The following SMAD6 variants were observed in gnomAD, a reference collection of about 807,000 sequenced individuals.
The protein encoded by SMAD6 is MAD homolog 6.
Under a neutral mutation model 39.4 loss-of-function variants are expected in SMAD6, and 103 were observed. That is an observed-to-expected ratio of 2.62 (90% CI 2.23 to 3.08). The LOEUF (loss-of-function observed/expected upper bound fraction) is 3.08. SMAD6 is among the 30% of genes most tolerant of loss of function. The probability of loss-of-function intolerance (pLI) is 0.00; values close to 1 mark genes in which losing one functional copy is unlikely to be tolerated. For synonymous variants in SMAD6, 445 were observed against 353.3 expected, an observed-to-expected ratio of 1.26 and a Z score of -2.91; for missense variants, 1,104 against 742.9, an observed-to-expected ratio of 1.49 and a Z score of -5.65.
At chr15:66,726,420 C>T (rs2140619015) in intron 3 of SMAD6, among the ~76,000 whole-genome samples, 1 of 152,320 alleles carries the variant, frequency 6.6e-6, no homozygotes, top group Non-Finnish European at 1.5e-5. Context: ...GTCTCAGGCC[C>T]AGGGAGACTC....
At position 66,731,805 on chromosome 15, in the gene SMAD6, G is replaced by A. The variant is rs187551315; in HGVS notation, c.952+15307G>A. Among the ~76,000 whole-genome samples the A allele has an allele frequency of 1.2e-4, 18 of 152,292 alleles. No individual in the cohort carries two copies. In the East Asian group the frequency reaches 3.3e-3, roughly 28 times the overall value. On this transcript the variant is annotated intron_variant, in intron 3 of 3. Transcript: ENST00000288840. ...AACTTTACAACAGGCACTGCTTTCCGAAGTGGTTGTACCATTTTGCAATCC... is the reference window on the plus strand; with the variant it reads ...AACTTTACAACAGGCACTGCTTTCCAAAGTGGTTGTACCATTTTGCAATCC...
At chr15:66,731,994 A>G (rs1404253456) in intron 3 of SMAD6, among the ~76,000 whole-genome samples, 5 of 148,104 alleles carry the variant, frequency 3.4e-5, no homozygotes, top group African/African-American at 1.3e-4. Context: ...CCCAGGCTAG[A>G]GTGCAGTGGT....
At chr15:66,709,847 C>G (rs1486021200) in intron 1 of SMAD6, among the ~76,000 whole-genome samples, 1 of 152,210 alleles carries the variant, frequency 6.6e-6, no homozygotes, top group Admixed American at 6.5e-5. Context: ...TGCCCTGCCT[C>G]TTATCCTGAG....
intron 1 of SMAD6, chr15:66,708,332 T>G (rs1893159987): frequency 6.0e-6 from 1 of 166,010 alleles, no homozygotes; most frequent in Non-Finnish European, 1.3e-5. Flanking sequence ...TCACAGTTTC[T>G]TTTCTGACCT....
At chr15:66,755,839 C>G (rs527830738) in intron 3 of SMAD6, among the ~76,000 whole-genome samples, 14 of 152,280 alleles carry the variant, frequency 9.2e-5, no homozygotes, top group African/African-American at 3.4e-4. Flanking sequence ...AGCGAGGAGC[C>G]TGCCCGAGGT....
chr15:66,735,254 G>A (rs182985695), intron 3 of SMAD6, among the ~76,000 whole-genome samples: 104 of 152,346 alleles, frequency 6.8e-4, no homozygotes, highest in African/African-American at 2.4e-3. Context: ...ATGGCCGGGT[G>A]CCTGCCTATT....
At chr15:66,727,925 T>G (rs1258942165) in intron 3 of SMAD6, among the ~76,000 whole-genome samples, 2 of 152,098 alleles carry the variant, frequency 1.3e-5, no homozygotes, top group Non-Finnish European at 2.9e-5. Context: ...CGATCTCCGC[T>G]CGCGGTAACC....
intron 2 of SMAD6, among the ~76,000 whole-genome samples, chr15:66,713,537 C>T (rs911464361): frequency 6.6e-6 from 1 of 152,220 alleles, no homozygotes; most frequent in Non-Finnish European, 1.5e-5. Context: ...CCAGGCTGGT[C>T]TCGATCTCCT....
chr15:66,707,902 G>A (rs1348634414), intron 1 of SMAD6: 1 of 152,296 alleles, frequency 6.6e-6, no homozygotes, highest in East Asian at 1.9e-4. Context: ...GTCCCAAACT[G>A]AAACTTTGCC....
rs549890860 is a variant in SMAD6 at position 66,750,890 on chromosome 15, C to T, written c.953-30107C>T. Among the ~76,000 whole-genome samples, 224 of 152,220 alleles carry T rather than the reference C, an allele frequency of 1.5e-3. 1 individual carries two copies. Among genetic ancestry groups the T allele is most frequent in the African/African-American group, 5.1e-3 (213 of 41,530 alleles). On this transcript the variant is annotated intron_variant, in intron 3 of 3. Transcript: ENST00000288840. ...CAGAGCAAGCCCCTAGCAGGCAGGG[C>T]GAGTCCTAGGACAAAAGCAGGTGTT...
intron 3 of SMAD6, among the ~76,000 whole-genome samples, chr15:66,724,357 A>G (rs1391840278): frequency 6.6e-6 from 1 of 152,204 alleles, no homozygotes; most frequent in Non-Finnish European, 1.5e-5. Context: ...ATCCAGAGAG[A>G]GCCCTTAAAG....
In SMAD6 at chr15:66,778,252, T is replaced by C. The variant is rs191605095; in HGVS notation, c.953-2745T>C. Among the ~76,000 whole-genome samples, 13 of 152,212 alleles carry C rather than the reference T, an allele frequency of 8.5e-5. No homozygotes were observed. The East Asian group carries it at 2.5e-3, about 29-fold the overall frequency. On this transcript the variant is annotated intron_variant, in intron 3 of 3. Transcript: ENST00000288840. ...TACACCATCATACCCACCTAATTTT[T>C]AAAAGTTTTTTTAGAGATGAGGTCT...
chr15:66,764,159 G>A lies in SMAD6; in HGVS notation c.953-16838G>A, dbSNP rs1434734014. ...TGATACTAACTGGATAATATTTCCC[G>A]TTAGAGGTCATGCAGAGATCTGCTT... On this transcript the variant is annotated intron_variant, in intron 3 of 3. Coordinates refer to ENST00000288840, the MANE Select transcript of SMAD6 (RefSeq NM_005585.5). Among the ~76,000 whole-genome samples the A allele has an allele frequency of 3.9e-5, 6 of 152,332 alleles. No individual in the cohort carries two copies. The South Asian group carries it at 1.0e-3, about 26-fold the overall frequency.
intron 3 of SMAD6, among the ~76,000 whole-genome samples, chr15:66,719,554 A>C (rs1396760465): frequency 2.6e-5 from 4 of 152,182 alleles, no homozygotes; most frequent in African/African-American, 9.7e-5. Context: ...GGGTGTCTGC[A>C]GCCCCAGGAT....
chr15:66,720,720 C>A (rs1262484495), intron 3 of SMAD6, among the ~76,000 whole-genome samples: 1 of 152,190 alleles, frequency 6.6e-6, no homozygotes, highest in Non-Finnish European at 1.5e-5. Flanking sequence ...TTACCCCTGC[C>A]AGGGTCTAGC....
intron 3 of SMAD6, among the ~76,000 whole-genome samples, chr15:66,764,995 G>C (rs2140663403): frequency 6.6e-6 from 1 of 152,218 alleles, no homozygotes; most frequent in Non-Finnish European, 1.5e-5. Context: ...TGTTTCTCGG[G>C]GTGTTTGTCC....
rs746469222 is a variant in SMAD6, at chr15:66,781,353, A to T, written c.1309A>T (p.Lys437Ter). The T allele has an allele frequency of 6.2e-7, 1 of 1,600,052 alleles. No homozygotes were observed. Among genetic ancestry groups the T allele is most frequent in the South Asian group, 1.1e-5 (1 of 90,850 alleles). Residue 437 changes from lysine (K) to a stop codon, truncating the protein, a stop_gained, in exon 4 of 4, where the codon AAG (lysine) becomes TAG (stop). Transcript: ENST00000288840. LOFTEE classifies it high-confidence loss of function. ...CAAGGTGCCCCCCGGCTACTCCATC[A>T]AGGTGTTCGACTTCGAGCGCTCGGG... ...VRKVPPGYSI[K>*]VFDFERSGLQ...
intron 1 of SMAD6, among the ~76,000 whole-genome samples, chr15:66,709,662 A>C (rs780564510): frequency 5.9e-5 from 9 of 152,184 alleles, no homozygotes; most frequent in Admixed American, 1.3e-4. Context: ...AGGCTTTCTG[A>C]TAAGTTCATG....
chr15:66,710,239 G>A (rs922166702), intron 1 of SMAD6, among the ~76,000 whole-genome samples: 5 of 152,184 alleles, frequency 3.3e-5, no homozygotes, highest in African/African-American at 1.2e-4. Context: ...TGCCTGATGA[G>A]CATAATTAAC....
Sources: gnomAD v4.1 joint callset for allele counts (sites outside exome capture counted in the v4.1 genomes callset) on GRCh38, gnomAD v4.1.1 for gene constraint, MANE v1.5 for transcripts, NCBI Gene and HGNC (gene_info 2026-07-23, HGNC 2026-07-21) for gene names.